The following NUP42 variants were observed in gnomAD, a reference collection of about 807,000 sequenced individuals.
NUP42 encodes nucleoporin 42.
Under a neutral mutation model 35.9 loss-of-function variants are expected in NUP42, and 47 were observed. The observed-to-expected ratio is 1.31, with a 90% confidence interval of 1.04 to 1.67. The LOEUF is 1.67. Among genes scored for constraint, NUP42 ranks in the 40% most tolerant of loss-of-function variants. The probability of loss-of-function intolerance (pLI) is 0.00; values close to 1 mark genes in which losing one functional copy is unlikely to be tolerated. For missense variants in NUP42, 514 were observed against 492.2 expected (o/e 1.04, Z -0.42); for synonymous variants, 173 against 173.3 (o/e 1.00, Z 0.01).
intron 3 of NUP42, chr7:23,188,442 C>G: frequency 1.0e-6 from 1 of 985,350 alleles, no homozygotes; most frequent in South Asian, 4.7e-5. Flanking sequence ...AAGTATTAAG[C>G]CCTTAATCAG....
At position 23,188,011 on chromosome 7, in the gene NUP42, T is replaced by A. The variant is rs557979710; in HGVS notation, c.445+865T>A. On this transcript the variant is annotated intron_variant, in intron 3 of 6. Coordinates refer to ENST00000258742, the MANE Select transcript of NUP42 (RefSeq NM_007342.3). The stretch of plus-strand genomic sequence containing the variant: ...CTCTCTCTTTTTTTATTTTTTATTT[T>A]TATTTTTTTTTTTGTCCATAGTCCC... 1.1e-3 allele frequency: 1,157 copies of A among 1,094,288 alleles called. 8 individuals are homozygous for A. The African/African-American group carries it at 0.019, about 18-fold the overall frequency. 67.8% of individuals were successfully genotyped at this position (1,094,288 alleles called of 1,614,324 possible).
chr7:23,182,398 T>C, intron 1 of NUP42, 192 bp downstream of exon 1: 1 of 1,394,230 alleles, frequency 7.2e-7, no homozygotes, highest in African/African-American at 1.4e-5. Flanking sequence ...TGGTCCGTTT[T>C]TATTGAGCTT....
intron 3 of NUP42, chr7:23,188,137 C>T (rs987026090): frequency 4.8e-5 from 63 of 1,322,542 alleles, no homozygotes; most frequent in South Asian, 7.0e-5. Context: ...GGGTACCTTG[C>T]AAATGGGAGC....
intron 5 of NUP42, among the ~76,000 whole-genome samples, 174 bp downstream of exon 5, chr7:23,196,940 G>A (rs1206330743): frequency 2.0e-5 from 3 of 152,172 alleles, no homozygotes; most frequent in Admixed American, 2.0e-4. Flanking sequence ...TTTTCTCTGT[G>A]TTCCTTGGTC....
chr7:23,199,366 T>A (rs1786126520), intron 5 of NUP42, 92 bp from the exon 6 acceptor site: 1 of 1,113,660 alleles, frequency 9.0e-7, no homozygotes. Context: ...ATGCACATTT[T>A]AAAAACTTGA....
chr7:23,187,440 G>A (rs1785631249), intron 3 of NUP42: 2 of 218,890 alleles, frequency 9.1e-6, no homozygotes, highest in South Asian at 9.9e-5. Flanking sequence ...TTAGCTTCCT[G>A]TTGTGAATAG....
chr7:23,197,216 A>G (rs41273975), intron 5 of NUP42: 29,672 of 1,300,600 alleles, frequency 0.023, 416 homozygotes, highest in Non-Finnish European at 0.027. Flanking sequence ...CCAAAGATCT[A>G]TGGTCCCGAC....
At chr7:23,195,109 A>G (rs1057504658) in intron 3 of NUP42, 1 of 152,308 alleles carries the variant, frequency 6.6e-6, no homozygotes, top group African/African-American at 2.4e-5. Context: ...GTTAAATCCT[A>G]TAAATTGTAT....
chr7:23,182,137 T>A lies in NUP42; in HGVS notation c.52T>A (p.Cys18Ser). 1 of 1,614,180 alleles carries A rather than the reference T, an allele frequency of 6.2e-7. No individual in the cohort carries two copies. Among genetic ancestry groups the A allele is most frequent in the East Asian group, 2.2e-5 (1 of 44,882 alleles). ...LQGRCRFGDR[C>S]WNEHPGARGA... Reference sequence around the variant, plus strand: ...AGGCCGGTGCCGCTTTGGAGATCGGTGCTGGAACGAACATCCCGGTGCTAG... The same window carrying A: ...AGGCCGGTGCCGCTTTGGAGATCGGAGCTGGAACGAACATCCCGGTGCTAG... Residue 18 changes from cysteine to serine, a missense_variant, in exon 1 of 7, where the codon TGC becomes AGC. Coordinates refer to ENST00000258742, the MANE Select transcript of NUP42 (RefSeq NM_007342.3).
intron 1 of NUP42, among the ~76,000 whole-genome samples, chr7:23,183,285 A>G (rs1785477846): frequency 6.6e-6 from 1 of 151,966 alleles, no homozygotes; most frequent in Non-Finnish European, 1.5e-5. Context: ...TCTCTCAGTC[A>G]GGCGGCTCAC....
chr7:23,197,863 T>C (rs1170980740), intron 5 of NUP42, among the ~76,000 whole-genome samples: 1 of 150,548 alleles, frequency 6.6e-6, no homozygotes, highest in Non-Finnish European at 1.5e-5. Context: ...GTGTAGACCA[T>C]GTGATTCCAT....
chr7:23,188,041 C>A, intron 3 of NUP42: 2 of 1,414,840 alleles, frequency 1.4e-6, no homozygotes, highest in South Asian at 1.6e-5. Flanking sequence ...AGTCCCTAAG[C>A]CCTTTCTGGG....
rs545761610 is a variant in NUP42, at chr7:23,185,780, C to G, written c.350+482C>G. Among the ~76,000 whole-genome samples the G allele has an allele frequency of 2.2e-3, 328 of 152,258 alleles. 1 individual carries two copies. The highest frequency in any genetic ancestry group is 7.4e-3 in the African/African-American group (306 of 41,548). ...TTTGAGACGGAGTCTTGCTCTGTTG[C>G]CCAGGCTAGAGTGCAGTGGTACAAT... On this transcript the variant is annotated intron_variant, in intron 2 of 6. Coordinates refer to ENST00000258742, the MANE Select transcript of NUP42 (RefSeq NM_007342.3).
At position 23,185,218 on chromosome 7, in the gene NUP42, CAGGA is replaced by C; in HGVS notation, c.278_281del (p.Glu93AlafsTer28). 2 of 1,614,120 alleles carry C rather than the reference CAGGA, an allele frequency of 1.2e-6. No homozygotes were observed. The highest frequency in any genetic ancestry group is 2.2e-5 in the South Asian group (2 of 91,080). On this transcript the variant is annotated frameshift_variant, in exon 2 of 7. Transcript: ENST00000258742. LOFTEE classifies it high-confidence loss of function. ...CTTTTGATTCTGGAGCTTCAACTAACAGGAAGGAAGGCTTTGGATTGTCTGAGAA... is the reference window on the plus strand; with the variant it reads ...CTTTTGATTCTGGAGCTTCAACTAACAGGAAGGCTTTGGATTGTCTGAGAA...
chr7:23,199,358 G>A, intron 5 of NUP42, 100 bp from the exon 6 acceptor site: 1 of 970,680 alleles, frequency 1.0e-6, no homozygotes, highest in Non-Finnish European at 1.6e-6. Context: ...AGCCTTTAAT[G>A]CACATTTTAA....
chr7:23,187,831 C>T (rs1785647846), intron 3 of NUP42, among the ~76,000 whole-genome samples: 2 of 151,568 alleles, frequency 1.3e-5, no homozygotes, highest in African/African-American at 2.4e-5. Flanking sequence ...GTCTAGAACT[C>T]CTGACCTCAG....
intron 3 of NUP42, among the ~76,000 whole-genome samples, chr7:23,190,508 A>G (rs996671225): frequency 2.0e-5 from 3 of 152,380 alleles, no homozygotes; most frequent in African/African-American, 7.2e-5. Flanking sequence ...GGTAATTATC[A>G]ATGTAAGTAA....
At chr7:23,194,186 TG>T (rs1227693434) in intron 3 of NUP42, among the ~76,000 whole-genome samples, 3 of 152,142 alleles carry the variant, frequency 2.0e-5, no homozygotes, top group Non-Finnish European at 4.4e-5. Context: ...AGTGCAGCGG[TG>T]GGCTGAAGGT....
chr7:23,195,213 G>GTT (rs1785972885), intron 3 of NUP42: 3 of 152,034 alleles, frequency 2.0e-5, no homozygotes, highest in Non-Finnish European at 2.9e-5. Flanking sequence ...TTCCCTTAAC[G>GTT]GTAATTTAGG....
Sources: allele counts gnomAD v4.1 joint callset (sites outside exome capture counted in the v4.1 genomes callset), GRCh38; gene constraint gnomAD v4.1.1; transcripts MANE v1.5; gene names NCBI Gene and HGNC (gene_info 2026-07-23, HGNC 2026-07-21).